The following ZNF804B variants were observed in gnomAD, a reference collection of about 807,000 sequenced individuals.
The protein encoded by ZNF804B is zinc finger protein 804B, also known as zinc finger 804B.
A neutral mutation model predicts 101.4 loss-of-function variants in ZNF804B; 80 were observed. That is an observed-to-expected ratio of 0.79 (90% confidence interval 0.66 to 0.95). The LOEUF (loss-of-function observed/expected upper bound fraction) is 0.95. Ranked by LOEUF, ZNF804B falls within the 40% of genes least tolerant of loss-of-function variation. The pLI is 0.00. For synonymous variants in ZNF804B, 622 were observed against 558.8 expected, an observed-to-expected ratio of 1.11 and a Z score of -1.59; for missense variants, 1,673 against 1,561.9, an observed-to-expected ratio of 1.07 and a Z score of -1.20.
At chr7:89,278,879 T>C (rs1329251050) in intron 2 of ZNF804B, among the ~76,000 whole-genome samples, 1 of 152,246 alleles carries the variant, frequency 6.6e-6, no homozygotes, top group Non-Finnish European at 1.5e-5. Context: ...ATTTTCCAAT[T>C]CTGTGAAGAA....
rs34267852 is a variant in ZNF804B at position 88,868,048 on chromosome 7, AGTGTGTGTGTGT to A, written c.108+107991_108+108002del. Among the ~76,000 whole-genome samples the A allele has an allele frequency of 1.0e-3, 148 of 142,762 alleles. 1 individual carries two copies. The highest frequency in any genetic ancestry group is 2.8e-3 in the African/African-American group (111 of 38,956). 93.7% of individuals were successfully genotyped at this position (142,762 alleles called of 152,430 possible). A position where few individuals can be genotyped will look rare whatever the true frequency, so the allele number is the denominator to read the frequency against. On this transcript the variant is annotated intron_variant, in intron 1 of 3. Transcript: ENST00000333190. ...CATAATTCTACTGTGTGTGTGTGTGAGTGTGTGTGTGTGTGTGTGTGTGTGTGTGTGTGTGTG... is the reference window on the plus strand; with the variant it reads ...CATAATTCTACTGTGTGTGTGTGTGAGTGTGTGTGTGTGTGTGTGTGTGTG...
rs746178211 is a variant in ZNF804B, at chr7:89,327,508, C to G, written c.380+34C>G. 8.2e-6 allele frequency: 13 copies of G among 1,591,250 alleles called. No homozygotes were observed. In the South Asian group the frequency reaches 1.4e-4, roughly 17 times the overall value. On this transcript the variant is annotated intron_variant, in intron 3 of 3. Transcript: ENST00000333190. ...TAAAGGTGTCTGGGATGCTTCAAAA[C>G]TCTCGTCAACCTATGGGGAAATTTT...
chr7:88,873,891 A>T (rs2115887286), intron 1 of ZNF804B, among the ~76,000 whole-genome samples: 1 of 152,280 alleles, frequency 6.6e-6, no homozygotes, highest in Admixed American at 6.5e-5. Context: ...TATAGTTTGA[A>T]GTCAGGTAGC....
At chr7:89,087,068 AAAAGAAAG>A (rs887809132) in intron 1 of ZNF804B, among the ~76,000 whole-genome samples, 63 of 150,196 alleles carry the variant, frequency 4.2e-4, no homozygotes, top group East Asian at 2.1e-3. Context: ...AAAAAAAAAA[AAAAGAAAG>A]GAAGCACAAT....
intron 1 of ZNF804B, among the ~76,000 whole-genome samples, chr7:88,840,819 G>GTTT: frequency 6.6e-6 from 1 of 152,124 alleles, no homozygotes; most frequent in Non-Finnish European, 1.5e-5. Flanking sequence ...TGAGAAAACA[G>GTTT]CTCAAAGTAC....
chr7:89,176,591 C>CTTTTTTTTTTTTTTTTTT (rs35866405), intron 1 of ZNF804B, among the ~76,000 whole-genome samples: 7 of 71,940 alleles, frequency 9.7e-5, no homozygotes, highest in African/African-American at 2.1e-4. Context: ...TTCTTTCTTT[C>CTTTTTTTTTTTTTTTTTT]TTTTTTTTTT....
rs183701030 is a variant in ZNF804B, at chr7:89,223,310, T to A, written c.249+5015T>A. Among the ~76,000 whole-genome samples the A allele has an allele frequency of 4.7e-3, 714 of 152,036 alleles. 5 individuals carry two copies. Among genetic ancestry groups the A allele is most frequent in the African/African-American group, 0.016 (655 of 41,536 alleles). ...TTACTCATCAATAGAACATCTTAGA[T>A]CTGATAACGAAATAATCTATGAATA... On this transcript the variant is annotated intron_variant, in intron 2 of 3. Transcript: ENST00000333190.
intron 1 of ZNF804B, among the ~76,000 whole-genome samples, chr7:88,863,400 A>G (rs1791679383): frequency 6.6e-6 from 1 of 152,170 alleles, no homozygotes; most frequent in East Asian, 1.9e-4. Flanking sequence ...TAATATAATT[A>G]TATTCACTCA....
chr7:89,150,333 C>T (rs1278725017), intron 1 of ZNF804B, among the ~76,000 whole-genome samples: 2 of 151,966 alleles, frequency 1.3e-5, no homozygotes, highest in East Asian at 1.9e-4. Context: ...ATTGTTGCCC[C>T]ACTAGAAAAC....
chr7:88,762,139 T>G (rs544862657), intron 1 of ZNF804B, among the ~76,000 whole-genome samples: 1 of 152,368 alleles, frequency 6.6e-6, no homozygotes, highest in African/African-American at 2.4e-5. Flanking sequence ...AATATTTATT[T>G]ACACATTTGG....
chr7:89,029,899 G>A (rs751703849), intron 1 of ZNF804B, among the ~76,000 whole-genome samples: 4 of 152,084 alleles, frequency 2.6e-5, no homozygotes, highest in African/African-American at 4.8e-5. Flanking sequence ...AATGAGAGCA[G>A]CAATTCAGTA....
intron 1 of ZNF804B, among the ~76,000 whole-genome samples, chr7:89,145,340 T>G (rs1159094477): frequency 6.6e-6 from 1 of 151,972 alleles, no homozygotes; most frequent in Non-Finnish European, 1.5e-5. Flanking sequence ...CCATAGCTAT[T>G]TCTTGATAAG....
chr7:88,813,877 T>A (rs1285219353), intron 1 of ZNF804B, among the ~76,000 whole-genome samples: 1 of 152,196 alleles, frequency 6.6e-6, no homozygotes, highest in Non-Finnish European at 1.5e-5. Context: ...CAACAGTCCA[T>A]GCATAATTGC....
chr7:88,834,860 T>C (rs1583965922), intron 1 of ZNF804B, among the ~76,000 whole-genome samples: 1 of 151,868 alleles, frequency 6.6e-6, no homozygotes. Flanking sequence ...ACATTCTTAA[T>C]AAAAGTATGA....
intron 1 of ZNF804B, among the ~76,000 whole-genome samples, chr7:89,063,570 T>G (rs926690939): frequency 2.6e-5 from 4 of 151,724 alleles, no homozygotes; most frequent in Non-Finnish European, 4.4e-5. Flanking sequence ...GGTGGGAAAC[T>G]GGGGGAAGCA....
intron 1 of ZNF804B, among the ~76,000 whole-genome samples, chr7:88,960,058 GT>G (rs1228355900): frequency 1.3e-5 from 2 of 151,290 alleles, no homozygotes; most frequent in Non-Finnish European, 3.0e-5. Flanking sequence ...TCTTTAAAAT[GT>G]TTTTTTAAAC....
At chr7:89,149,856 A>G (rs1790846279) in intron 1 of ZNF804B, among the ~76,000 whole-genome samples, 1 of 151,642 alleles carries the variant, frequency 6.6e-6, no homozygotes. Context: ...GTAGGTACTT[A>G]TTTCACATAT....
intron 1 of ZNF804B, among the ~76,000 whole-genome samples, chr7:88,837,839 T>A (rs1011350180): frequency 3.9e-5 from 6 of 151,922 alleles, no homozygotes; most frequent in African/African-American, 1.4e-4. Flanking sequence ...GATGGCCATC[T>A]ATTAAAGAGA....
intron 1 of ZNF804B, among the ~76,000 whole-genome samples, chr7:89,066,167 G>T (rs375953153): frequency 6.6e-6 from 1 of 152,238 alleles, no homozygotes; most frequent in Non-Finnish European, 1.5e-5. Context: ...GGAGAATTTG[G>T]TTTGAGAACA....
Sources: gnomAD v4.1 joint callset for allele counts (sites outside exome capture counted in the v4.1 genomes callset) on GRCh38, gnomAD v4.1.1 for gene constraint, MANE v1.5 for transcripts, NCBI Gene and HGNC (gene_info 2026-07-23, HGNC 2026-07-21) for gene names.